Variants in HIVEP3 observed in about 807,000 individuals in gnomAD.
HIVEP3 encodes HIVEP zinc finger 3.
HIVEP3 carries 49 observed loss-of-function variants against 152.8 expected under a neutral mutation model. The observed-to-expected ratio is 0.32, with a 90% CI of 0.26 to 0.41. HIVEP3 has a LOEUF of 0.41. Ranked by LOEUF, HIVEP3 falls within the 10% of genes least tolerant of loss-of-function variation. The pLI, the probability that HIVEP3 is intolerant of heterozygous loss-of-function variation, is 1.00. For missense variants in HIVEP3, 2,790 were observed against 3,103.3 expected, an observed-to-expected ratio of 0.90 and a Z score of 2.40; for synonymous variants, 1,269 against 1,289.0, an observed-to-expected ratio of 0.98 and a Z score of 0.33.
rs902301891 is a variant in HIVEP3, at chr1:41,541,886, C to G, written c.5208-16976G>C. ...ATAACTCATGGTTGTATACTTATGA[C>G]TTGGATTGTTTTTTGTATGTATGAT... is the stretch of plus-strand genomic sequence containing the variant. On this transcript the variant is annotated intron_variant, in intron 5 of 8. Coordinates refer to ENST00000372583, the MANE Select transcript of HIVEP3 (RefSeq NM_024503.5). Among the ~76,000 whole-genome samples the G allele has an allele frequency of 3.3e-5, 5 of 152,302 alleles. No individual in the cohort carries two copies. The East Asian group carries it at 9.6e-4, about 29-fold the overall frequency.
chr1:41,801,490 T>G (rs77981667), intron 1 of HIVEP3, among the ~76,000 whole-genome samples: 165 of 152,330 alleles, frequency 1.1e-3, no homozygotes, highest in African/African-American at 3.6e-3. Flanking sequence ...CTTGGTAATT[T>G]TAAGACTCTT....
intron 3 of HIVEP3, among the ~76,000 whole-genome samples, chr1:41,620,935 G>A (rs7529858): frequency 4.6e-5 from 7 of 151,992 alleles, no homozygotes; most frequent in Non-Finnish European, 7.4e-5. Context: ...GCGGCACCTC[G>A]AGGACCACCC....
At chr1:41,924,031 A>T (rs1644954325) in intron 1 of HIVEP3, among the ~76,000 whole-genome samples, 2 of 152,214 alleles carry the variant, frequency 1.3e-5, no homozygotes, top group African/African-American at 4.8e-5. Flanking sequence ...ATTTCACCTT[A>T]TATGGCAAAA....
intron 1 of HIVEP3, among the ~76,000 whole-genome samples, chr1:41,794,572 C>T (rs1649878837): frequency 6.6e-6 from 1 of 151,740 alleles, no homozygotes; most frequent in Non-Finnish European, 1.5e-5. Flanking sequence ...TGGGTCCTCA[C>T]ACCCTAACAA....
At chr1:41,803,535 C>T (rs1650425082) in intron 1 of HIVEP3, among the ~76,000 whole-genome samples, 1 of 152,214 alleles carries the variant, frequency 6.6e-6, no homozygotes, top group South Asian at 2.1e-4. Flanking sequence ...ATTGCTTTTC[C>T]TGTGGCCCCT....
At chr1:41,946,864 TA>T (rs1645077856) in intron 1 of HIVEP3, among the ~76,000 whole-genome samples, 1 of 152,118 alleles carries the variant, frequency 6.6e-6, no homozygotes, top group Non-Finnish European at 1.5e-5. Context: ...AACCATGCAG[TA>T]GCCCCTGCAA....
At chr1:41,563,389 G>A (rs939052766) in intron 5 of HIVEP3, among the ~76,000 whole-genome samples, 1 of 151,856 alleles carries the variant, frequency 6.6e-6, no homozygotes, top group Non-Finnish European at 1.5e-5. Context: ...ATAGTGGGGA[G>A]GAAGTGAATG....
At chr1:41,940,774 G>A (rs558078345) in intron 1 of HIVEP3, among the ~76,000 whole-genome samples, 1 of 152,116 alleles carries the variant, frequency 6.6e-6, no homozygotes, top group East Asian at 1.9e-4. Context: ...GAAGGTGGGG[G>A]AAGTGAGAGG....
At chr1:42,020,720 C>T (rs1158051112) in intron 1 of HIVEP3, among the ~76,000 whole-genome samples, 2 of 152,152 alleles carry the variant, frequency 1.3e-5, no homozygotes, top group Non-Finnish European at 2.9e-5. Context: ...AAGAGGACAA[C>T]ATTCCTGCTT....
At chr1:41,517,549 C>A (rs1035141518) in intron 7 of HIVEP3, among the ~76,000 whole-genome samples, 1 of 149,518 alleles carries the variant, frequency 6.7e-6, no homozygotes, top group Non-Finnish European at 1.5e-5. Context: ...ACACACAGTG[C>A]GTGCATACAC....
chr1:41,693,939 A>G (rs919757034), intron 2 of HIVEP3, among the ~76,000 whole-genome samples: 2 of 152,082 alleles, frequency 1.3e-5, no homozygotes, highest in African/African-American at 4.8e-5. Context: ...TCACATACCA[A>G]TCCTCACGTA....
chr1:41,672,317 T>C (rs1207334949), intron 2 of HIVEP3, among the ~76,000 whole-genome samples: 2 of 152,180 alleles, frequency 1.3e-5, no homozygotes, highest in Non-Finnish European at 2.9e-5. Context: ...ATCAGGCCCA[T>C]CACCTCCCAC....
At chr1:41,653,953 CAAAAAAAAA>C (rs55707109) in intron 2 of HIVEP3, among the ~76,000 whole-genome samples, 63 of 46,228 alleles carry the variant, frequency 1.4e-3, no homozygotes, top group African/African-American at 5.7e-3. Context: ...TTTTCTACTG[CAAAAAAAAA>C]AAAAAAAAAA....
chr1:41,843,126 G>A (rs1475407517), intron 1 of HIVEP3, among the ~76,000 whole-genome samples: 1 of 152,160 alleles, frequency 6.6e-6, no homozygotes. Context: ...CTGAGGAAAC[G>A]CTAAAAGCAG....
intron 5 of HIVEP3, among the ~76,000 whole-genome samples, chr1:41,532,537 GGGAATGGCCTGGA>G (rs980433748): frequency 2.0e-5 from 3 of 152,148 alleles, no homozygotes; most frequent in Non-Finnish European, 2.9e-5. Flanking sequence ...CCCTGGCCAT[GGGAATGGCCTGGA>G]GGAGGAGAGA....
Position 42,020,356 on chromosome 1 carries a change from C to T in HIVEP3, n.119+15451G>A, listed in dbSNP as rs139641742. On this transcript the variant is annotated intron_variant and non_coding_transcript_variant, in intron 1 of 3. Transcript: ENST00000489103. Reference sequence around the variant, plus strand: ...TTATTTGTTTGTCTGCTGTTTGATGCGAAGGTCTTTAATAATGAATTAAAC... The same window carrying T: ...TTATTTGTTTGTCTGCTGTTTGATGTGAAGGTCTTTAATAATGAATTAAAC... 2.0e-4 allele frequency among the ~76,000 whole-genome samples: 30 copies of T among 152,054 alleles called. 1 individual carries two copies. In the South Asian group the frequency reaches 3.3e-3, roughly 17 times the overall value.
intron 1 of HIVEP3, among the ~76,000 whole-genome samples, chr1:41,831,762 G>A (rs1642971661): frequency 6.6e-6 from 1 of 152,232 alleles, no homozygotes; most frequent in Non-Finnish European, 1.5e-5. Context: ...ATGAGTCTGT[G>A]CTCATGGGAG....
intron 1 of HIVEP3, among the ~76,000 whole-genome samples, chr1:41,949,722 T>C (rs1480198464): frequency 6.6e-6 from 1 of 152,212 alleles, no homozygotes; most frequent in Non-Finnish European, 1.5e-5. Context: ...TTTAACCTCC[T>C]TGTTAAGCTT....
rs1645757334 is a variant in HIVEP3, at chr1:41,664,012, C to A, written c.-720-35065G>T. Among the ~76,000 whole-genome samples the A allele has an allele frequency of 1.3e-5, 2 of 152,318 alleles. No individual in the cohort carries two copies. The highest frequency in any genetic ancestry group is 4.1e-4 in the South Asian group (2 of 4,826). ...GAGCTCAGCCCATCCTGCCATTTGC[C>A]CAGCCACCACCCCCAACACGCACCA... On this transcript the variant is annotated intron_variant, in intron 2 of 8. Coordinates refer to ENST00000372583, the MANE Select transcript of HIVEP3 (RefSeq NM_024503.5). This position sits in a 1 kb window ranked among gnomAD's most constrained non-coding sequence, Gnocchi z 4.4.
Sources: gnomAD v4.1 joint callset for allele counts (sites outside exome capture counted in the v4.1 genomes callset) on GRCh38, gnomAD v4.1.1 for gene constraint, Gnocchi (gnomAD v3.1) non-coding constraint, MANE v1.5 for transcripts, NCBI Gene and HGNC (gene_info 2026-07-23, HGNC 2026-07-21) for gene names.